Variants in LRRC7 observed in about 807,000 individuals in gnomAD.
The protein encoded by LRRC7 is leucine-rich repeat-containing protein 7.
In LRRC7, 23 loss-of-function variants were observed where a neutral mutation model predicts 175.7. That is an observed-to-expected ratio of 0.13 (90% confidence interval 0.09 to 0.19). The LOEUF (loss-of-function observed/expected upper bound fraction) is 0.19. Ranked by LOEUF, LRRC7 falls within the 10% of genes least tolerant of loss-of-function variation. LRRC7 has a pLI of 1.00. For synonymous variants in LRRC7, 685 were observed against 680.9 expected, an observed-to-expected ratio of 1.01 and a Z score of -0.09; for missense variants, 1,354 against 1,904.7, an observed-to-expected ratio of 0.71 and a Z score of 5.38.
At chr1:69,979,339 A>G (rs1205500620) in intron 8 of LRRC7, among the ~76,000 whole-genome samples, 2 of 152,248 alleles carry the variant, frequency 1.3e-5, no homozygotes, top group Non-Finnish European at 2.9e-5. Context: ...GGCTACCGCT[A>G]GGAAGGTTTT....
chr1:69,706,981 A>C (rs1444303860), intron 2 of LRRC7, among the ~76,000 whole-genome samples: 2 of 152,208 alleles, frequency 1.3e-5, no homozygotes, highest in Admixed American at 6.5e-5. Flanking sequence ...AAATATACAA[A>C]AAAGGATAAA....
rs1449859716 is a variant in LRRC7, at chr1:69,781,725, AAGAAAGAAAGAGAGAG to A, written c.304-10314_304-10299del. 4.7e-4 allele frequency among the ~76,000 whole-genome samples: 16 copies of A among 34,102 alleles called. 2 individuals are homozygous for A. Among genetic ancestry groups the A allele is most frequent in the African/African-American group, 1.9e-3 (11 of 5,822 alleles). 22.4% of individuals were successfully genotyped at this position (34,102 alleles called of 152,430 possible). ...AAAGAAAGAAAGAAAGAAAGAAAGA[AAGAAAGAAAGAGAGAG>A]AGAGAGAGAGAGAGAGAGAGAGAGA... On this transcript the variant is annotated intron_variant, in intron 3 of 26. Coordinates refer to ENST00000651989, the MANE Select transcript of LRRC7 (RefSeq NM_001370785.2).
intron 1 of LRRC7, among the ~76,000 whole-genome samples, chr1:69,676,633 G>A (rs11209516): frequency 0.21 from 31,695 of 151,942 alleles, 3,470 homozygotes; most frequent in South Asian, 0.29. Flanking sequence ...TGTCAGCATC[G>A]CCGTGTAACT....
rs985149466 is a variant in LRRC7 at position 69,958,426 on chromosome 1, A to G, written c.712-21953A>G. Among the ~76,000 whole-genome samples the G allele has an allele frequency of 2.0e-5, 3 of 152,188 alleles. No homozygotes were observed. In the South Asian group the frequency reaches 6.2e-4, roughly 32 times the overall value. Reference sequence around the variant, plus strand: ...GAAGCAAAGGCAAAGAGTTGGGCACATTATTTCTACTGTGATCCTGTGAGA... The same window carrying G: ...GAAGCAAAGGCAAAGAGTTGGGCACGTTATTTCTACTGTGATCCTGTGAGA... On this transcript the variant is annotated intron_variant, in intron 8 of 26. Transcript: ENST00000651989.
At chr1:69,906,602 C>G (rs892230750) in intron 7 of LRRC7, among the ~76,000 whole-genome samples, 2 of 152,100 alleles carry the variant, frequency 1.3e-5, no homozygotes, top group Non-Finnish European at 2.9e-5. Flanking sequence ...GGGCTCTGTT[C>G]TGTTCCATTG....
At chr1:69,865,343 G>T (rs144914655) in intron 7 of LRRC7, among the ~76,000 whole-genome samples, 1 of 151,816 alleles carries the variant, frequency 6.6e-6, no homozygotes, top group Non-Finnish European at 1.5e-5. Flanking sequence ...ACGAGCTAAG[G>T]GTAGCTATAA....
intron 3 of LRRC7, among the ~76,000 whole-genome samples, chr1:69,777,377 T>C (rs528984985): frequency 6.6e-6 from 1 of 152,330 alleles, no homozygotes; most frequent in East Asian, 1.9e-4. Flanking sequence ...GTGTCATTTG[T>C]ATCTTTTACA....
chr1:69,927,635 T>C (rs1488951023), intron 7 of LRRC7, among the ~76,000 whole-genome samples: 1 of 152,254 alleles, frequency 6.6e-6, no homozygotes, highest in African/African-American at 2.4e-5. Context: ...CACGTAGTTC[T>C]CGAGCCTTGG....
intron 1 of LRRC7, among the ~76,000 whole-genome samples, chr1:69,660,238 C>T (rs550374914): frequency 4.9e-4 from 74 of 151,964 alleles, no homozygotes; most frequent in Middle Eastern, 3.4e-3. Flanking sequence ...AGGTTCAATC[C>T]ATCAGAATAT....
chr1:70,043,922 C>T (rs1382512433), intron 21 of LRRC7, 32 bp from the exon 22 acceptor site: 1 of 1,583,216 alleles, frequency 6.3e-7, no homozygotes, highest in African/African-American at 1.3e-5. Context: ...CATGTGTTCA[C>T]ACCCTGTCAC....
At chr1:69,825,855 T>C in intron 5 of LRRC7, 29 bp downstream of exon 5, 1 of 1,394,466 alleles carries the variant, frequency 7.2e-7, no homozygotes, top group Non-Finnish European at 1.0e-6. Context: ...ATTTTATTTG[T>C]ATTTATATTT....
intron 4 of LRRC7, among the ~76,000 whole-genome samples, chr1:69,816,680 A>AT (rs889562859): frequency 6.6e-6 from 1 of 152,024 alleles, no homozygotes; most frequent in African/African-American, 2.4e-5. Context: ...AAAAATAACT[A>AT]TTTTTTCAAG....
At chr1:69,627,554 G>A in intron 1 of LRRC7, among the ~76,000 whole-genome samples, 1 of 151,968 alleles carries the variant, frequency 6.6e-6, no homozygotes, top group East Asian at 1.9e-4. Flanking sequence ...AGTTTCTTTT[G>A]CTGTGCAGAA....
rs1328062875 is a variant in LRRC7, at chr1:70,125,810, A to AG, written c.*3923_*3924insG. On this transcript the variant is annotated 3_prime_UTR_variant, in exon 27 of 27. Coordinates refer to ENST00000651989, the MANE Select transcript of LRRC7 (RefSeq NM_001370785.2). ...CCGTCTCAAAAAAAAAAAAAAAAAA[A>AG]AAGAGAAGATTCAGAGGGGAGAAAA... 2.2e-4 allele frequency among the ~76,000 whole-genome samples: 33 copies of AG among 148,010 alleles called. No individual in the cohort carries two copies. The highest frequency in any genetic ancestry group is 7.9e-4 in the African/African-American group (31 of 39,182).
intron 3 of LRRC7, among the ~76,000 whole-genome samples, chr1:69,772,732 T>C (rs893454936): frequency 1.3e-5 from 2 of 152,118 alleles, no homozygotes; most frequent in South Asian, 2.1e-4. Flanking sequence ...AATTTGATAA[T>C]GAAATGGATT....
intron 1 of LRRC7, among the ~76,000 whole-genome samples, chr1:69,619,940 T>A (rs1402837360): frequency 7.4e-6 from 1 of 134,898 alleles, no homozygotes; most frequent in Non-Finnish European, 1.6e-5. Context: ...GATTTTAATA[T>A]AACAATATAA....
chr1:70,143,105 G>A lies in LRRC7; in HGVS notation c.*21218G>A, dbSNP rs1451836638. On this transcript the variant is annotated 3_prime_UTR_variant, in exon 27 of 27. Transcript: ENST00000651989. Reference sequence around the variant, plus strand: ...CATTTCAGCTCATATAATTCAGTTAGTGAAATATTTCACTCTTCTGTAAGT... The same window carrying A: ...CATTTCAGCTCATATAATTCAGTTAATGAAATATTTCACTCTTCTGTAAGT... The A allele has an allele frequency of 1.3e-5, 2 of 151,110 alleles. No individual in the cohort carries two copies. Among genetic ancestry groups the A allele is most frequent in the African/African-American group, 2.4e-5 (1 of 41,202 alleles). 9.4% of individuals were successfully genotyped at this position (151,110 alleles called of 1,614,324 possible).
At chr1:70,036,066 G>A in intron 18 of LRRC7, 55 bp from the exon 19 acceptor site, 1 of 1,392,072 alleles carries the variant, frequency 7.2e-7, no homozygotes, top group South Asian at 1.4e-5. Context: ...TGCCACTTTG[G>A]TTAACCATTG....
At chr1:69,585,581 T>G (rs1324362810) in intron 1 of LRRC7, among the ~76,000 whole-genome samples, 1 of 152,230 alleles carries the variant, frequency 6.6e-6, no homozygotes, top group Non-Finnish European at 1.5e-5. Flanking sequence ...ATTTACAAAT[T>G]GTGTCATTAT....
Sources: gnomAD v4.1 joint callset for allele counts (sites outside exome capture counted in the v4.1 genomes callset) on GRCh38, gnomAD v4.1.1 for gene constraint, MANE v1.5 for transcripts, NCBI Gene and HGNC (gene_info 2026-07-23, HGNC 2026-07-21) for gene names.